The following MOB3B variants were observed in gnomAD, a reference collection of about 807,000 sequenced individuals.
MOB3B encodes MOB kinase activator-like 2B.
In MOB3B, 7 loss-of-function variants were observed where a neutral mutation model predicts 18.7. The ratio of observed to expected loss-of-function variants is 0.37; its 90% CI spans 0.21 to 0.70. The LOEUF (loss-of-function observed/expected upper bound fraction) is 0.70, where lower values mean the gene tolerates loss of function less well. MOB3B is among the 30% of genes least tolerant of loss of function. MOB3B has a pLI of 0.52. For missense variants in MOB3B, 253 were observed against 281.3 expected, an observed-to-expected ratio of 0.90 and a Z score of 0.72; for synonymous variants, 111 against 99.9, an observed-to-expected ratio of 1.11 and a Z score of -0.66.
rs28707670 is a variant in MOB3B, at chr9:27,346,184, G to C, written c.621+12850C>G. On this transcript the variant is annotated intron_variant, in intron 3 of 3. Transcript: ENST00000262244. The stretch of plus-strand genomic sequence containing the variant: ...GAGAAGGCACCATCTTTCAGGCAGA[G>C]AGCAAACCCTTATTGGATACCAAAC... 8.0e-3 allele frequency among the ~76,000 whole-genome samples: 1,216 copies of C among 152,306 alleles called. 20 individuals carry two copies. The highest frequency in any genetic ancestry group is 0.028 in the African/African-American group (1,166 of 41,554).
rs77503336 is a variant in MOB3B, at chr9:27,334,611, G to T, written c.622-3995C>A. On this transcript the variant is annotated intron_variant, in intron 3 of 3. Coordinates refer to ENST00000262244, the MANE Select transcript of MOB3B (RefSeq NM_024761.5). ...CTTGATAGCCATTGAACAAACTTCC[G>T]TGAACTCTAAGTGTCAAATCTTAGT... Among the ~76,000 whole-genome samples the T allele has an allele frequency of 2.0e-5, 3 of 152,244 alleles. No individual in the cohort carries two copies. In the South Asian group the frequency reaches 6.2e-4, roughly 32 times the overall value.
At chr9:27,489,811 A>G (rs78025480) in intron 1 of MOB3B, among the ~76,000 whole-genome samples, 179 of 141,906 alleles carry the variant, frequency 1.3e-3, no homozygotes, top group African/African-American at 4.3e-3. Flanking sequence ...CACCTATACA[A>G]GAATACACAA....
At chr9:27,466,583 C>T (rs771614251) in intron 1 of MOB3B, among the ~76,000 whole-genome samples, 5 of 152,026 alleles carry the variant, frequency 3.3e-5, no homozygotes, top group African/African-American at 1.2e-4. Context: ...AAAAACATAC[C>T]CAAAACTGGG....
At chr9:27,380,364 G>A (rs1018509583) in intron 2 of MOB3B, among the ~76,000 whole-genome samples, 4 of 149,932 alleles carry the variant, frequency 2.7e-5, no homozygotes, top group Admixed American at 1.3e-4. Flanking sequence ...TCAGCCTCCC[G>A]AGTAGCTGGG....
intron 2 of MOB3B, among the ~76,000 whole-genome samples, chr9:27,370,740 A>G (rs1821404257): frequency 6.6e-6 from 1 of 152,160 alleles, no homozygotes; most frequent in East Asian, 1.9e-4. Flanking sequence ...AGCAGCTTGA[A>G]TGGACTAGGC....
intron 1 of MOB3B, among the ~76,000 whole-genome samples, chr9:27,458,189 C>G (rs573900219): frequency 6.6e-6 from 1 of 152,134 alleles, no homozygotes; most frequent in African/African-American, 2.4e-5. Context: ...GCCCACAGTC[C>G]TCAGAGCAAC....
At chr9:27,487,729 T>C (rs1237608956) in intron 1 of MOB3B, among the ~76,000 whole-genome samples, 1 of 152,180 alleles carries the variant, frequency 6.6e-6, no homozygotes, top group Non-Finnish European at 1.5e-5. Context: ...TTTTTCACTT[T>C]TGCGTATGCC....
Position 27,342,450 on chromosome 9 carries a change from G to A in MOB3B, c.622-11834C>T, listed in dbSNP as rs375297449. Among the ~76,000 whole-genome samples the A allele has an allele frequency of 1.8e-4, 21 of 118,874 alleles. No individual in the cohort carries two copies. The South Asian group carries it at 2.1e-3, about 12-fold the overall frequency. The allele number at this position is 118,874 out of a possible 152,430, so 78.0% of individuals were successfully genotyped here. A position where few individuals can be genotyped will look rare whatever the true frequency, so the allele number is the denominator to read the frequency against. The stretch of plus-strand genomic sequence containing the variant: ...CCCCTCTCCCTCCCCCTCCCCCTCC[G>A]TCTCCCTTTCCCTCGTCTCCCTCTC... On this transcript the variant is annotated intron_variant, in intron 3 of 3. Coordinates refer to ENST00000262244, the MANE Select transcript of MOB3B (RefSeq NM_024761.5).
At chr9:27,491,035 A>G (rs1217097291) in intron 1 of MOB3B, among the ~76,000 whole-genome samples, 1 of 152,150 alleles carries the variant, frequency 6.6e-6, no homozygotes, top group Admixed American at 6.5e-5. Flanking sequence ...AGATGATAAT[A>G]ATAGTGATAA....
chr9:27,423,501 T>C (rs1007999051), intron 2 of MOB3B, among the ~76,000 whole-genome samples: 2 of 152,068 alleles, frequency 1.3e-5, no homozygotes, highest in African/African-American at 2.4e-5. Flanking sequence ...ACCTTACTTA[T>C]ACCCTGATCC....
chr9:27,358,618 G>T (rs1821227452), intron 3 of MOB3B, among the ~76,000 whole-genome samples: 1 of 152,232 alleles, frequency 6.6e-6, no homozygotes, highest in Admixed American at 6.5e-5. Flanking sequence ...ATCCCTAGCA[G>T]CTGGCACACA....
intron 3 of MOB3B, among the ~76,000 whole-genome samples, chr9:27,334,602 C>T (rs1381177395): frequency 6.6e-6 from 1 of 152,164 alleles, no homozygotes; most frequent in African/African-American, 2.4e-5. Flanking sequence ...AGCCATTGAA[C>T]AAACTTCCGT....
At chr9:27,374,954 C>T (rs1821470812) in intron 2 of MOB3B, among the ~76,000 whole-genome samples, 1 of 152,222 alleles carries the variant, frequency 6.6e-6, no homozygotes, top group South Asian at 2.1e-4. Flanking sequence ...ATGGTGGGCA[C>T]TTCTGGCTAG....
intron 2 of MOB3B, among the ~76,000 whole-genome samples, chr9:27,418,056 C>T (rs1313915133): frequency 2.3e-5 from 3 of 128,244 alleles, no homozygotes; most frequent in Non-Finnish European, 3.1e-5. Flanking sequence ...CACACCATTG[C>T]ACTCCAGCCT....
intron 3 of MOB3B, among the ~76,000 whole-genome samples, chr9:27,344,146 A>C (rs1820997919): frequency 6.6e-6 from 1 of 152,178 alleles, no homozygotes; most frequent in Non-Finnish European, 1.5e-5. Context: ...AAAAAAATTC[A>C]AAAGCTTCAA....
chr9:27,338,925 G>A (rs559115718), intron 3 of MOB3B, among the ~76,000 whole-genome samples: 29 of 152,360 alleles, frequency 1.9e-4, no homozygotes, highest in African/African-American at 6.7e-4. Context: ...CCTGGGGCAT[G>A]ACTTTCTAAG....
chr9:27,519,552 C>A (rs185956350), intron 1 of MOB3B, among the ~76,000 whole-genome samples: 43 of 152,234 alleles, frequency 2.8e-4, no homozygotes, highest in Non-Finnish European at 5.7e-4. Flanking sequence ...AGCAAACAAG[C>A]CAGTTGTTAT....
At chr9:27,456,773 A>G (rs1307185771) in intron 1 of MOB3B, among the ~76,000 whole-genome samples, 1 of 152,214 alleles carries the variant, frequency 6.6e-6, no homozygotes, top group Non-Finnish European at 1.5e-5. Flanking sequence ...TATGGTGTTG[A>G]ATATGGTACA....
intron 2 of MOB3B, among the ~76,000 whole-genome samples, chr9:27,407,559 A>G (rs1343885386): frequency 1.3e-5 from 2 of 152,142 alleles, no homozygotes; most frequent in African/African-American, 4.8e-5. Flanking sequence ...GAGGGCCCAG[A>G]GTACTGGCCT....
Sources: gnomAD v4.1 joint callset for allele counts (sites outside exome capture counted in the v4.1 genomes callset) on GRCh38, gnomAD v4.1.1 for gene constraint, MANE v1.5 for transcripts, NCBI Gene and HGNC (gene_info 2026-07-23, HGNC 2026-07-21) for gene names.